The following TBC1D1 variants were observed in gnomAD, a reference collection of about 807,000 sequenced individuals.
TBC1D1 encodes TBC1 domain family member 1.
Under a neutral mutation model 125.6 loss-of-function variants are expected in TBC1D1, and 89 were observed. The observed-to-expected ratio is 0.71, with a 90% CI of 0.60 to 0.85. The LOEUF is 0.85. TBC1D1 is among the 40% of genes least tolerant of loss of function. TBC1D1 has a pLI of 0.00. For synonymous variants in TBC1D1, 565 were observed against 564.1 expected, an observed-to-expected ratio of 1.00 and a Z score of -0.02; for missense variants, 1,377 against 1,469.2, an observed-to-expected ratio of 0.94 and a Z score of 1.03.
intron 2 of TBC1D1, chr4:37,960,652 A>G: frequency 6.2e-7 from 1 of 1,614,202 alleles, no homozygotes; most frequent in Non-Finnish European, 8.5e-7. Flanking sequence ...GCTACAGAAA[A>G]GTCAGTAAAG....
intron 2 of TBC1D1, among the ~76,000 whole-genome samples, chr4:37,971,084 A>C (rs116598507): frequency 0.023 from 3,570 of 152,116 alleles, 145 homozygotes; most frequent in African/African-American, 0.081. Flanking sequence ...TTTGGTGGGG[A>C]TATGGTCAGG....
At chr4:38,011,209 C>T (rs1165292373) in intron 2 of TBC1D1, among the ~76,000 whole-genome samples, 5 of 151,766 alleles carry the variant, frequency 3.3e-5, no homozygotes, top group Admixed American at 2.0e-4. Context: ...CAAAATTAGC[C>T]GGGTGTGGTG....
chr4:38,109,314 G>A (rs557170494), intron 15 of TBC1D1, among the ~76,000 whole-genome samples: 4 of 152,216 alleles, frequency 2.6e-5, no homozygotes, highest in African/African-American at 9.6e-5. Flanking sequence ...ATCACATCGT[G>A]GGATCATATT....
At chr4:38,021,492 TTAAAAAATCTTTTCCAAAGATTTTCTG>T (rs1217094111) in intron 5 of TBC1D1, 67 bp from the exon 6 acceptor site, 2 of 1,219,684 alleles carry the variant, frequency 1.6e-6, no homozygotes, top group Non-Finnish European at 2.2e-6. Flanking sequence ...CTCTTAAAGC[TTAAAAAATCTTTTCCAAAGATTTTCTG>T]ACATCTCAGC....
intron 1 of TBC1D1, among the ~76,000 whole-genome samples, chr4:37,892,669 G>C (rs768525283): frequency 1.3e-5 from 2 of 152,152 alleles, no homozygotes; most frequent in Admixed American, 6.6e-5. Context: ...TTGCAAATGC[G>C]TCTCCTTGTC....
At chr4:38,073,089 G>A (rs1754982072) in intron 12 of TBC1D1, among the ~76,000 whole-genome samples, 1 of 152,190 alleles carries the variant, frequency 6.6e-6, no homozygotes. Context: ...GAACATGGGT[G>A]TGCAAATGTC....
intron 2 of TBC1D1, among the ~76,000 whole-genome samples, chr4:37,930,218 CAT>C (rs1160598795): frequency 6.6e-6 from 1 of 152,180 alleles, no homozygotes; most frequent in Non-Finnish European, 1.5e-5. Context: ...ATTCTAAAAA[CAT>C]AATGCTGATC....
At chr4:37,924,320 TTAA>T (rs759487876) in intron 2 of TBC1D1, among the ~76,000 whole-genome samples, 1 of 152,260 alleles carries the variant, frequency 6.6e-6, no homozygotes, top group Non-Finnish European at 1.5e-5. Context: ...TTTTCTGTTA[TTAA>T]TAATGACAGA....
Position 37,977,576 on chromosome 4 carries a change from C to G in TBC1D1, c.418-36933C>G, listed in dbSNP as rs558800172. The G allele has an allele frequency of 1.8e-5, 11 of 614,870 alleles. No individual in the cohort carries two copies. The highest frequency in any genetic ancestry group is 1.0e-5 in the Non-Finnish European group (5 of 480,530). The allele number at this position is 614,870 out of a possible 1,614,324, so 38.1% of individuals were successfully genotyped here. ...CCCGTTACCGGAGCGGAGCGGCAGG[C>G]GCGGGGCTGGAACATTTGTAACCTT... is the stretch of plus-strand genomic sequence containing the variant. On this transcript the variant is annotated intron_variant, in intron 2 of 19. Coordinates refer to ENST00000261439, the MANE Select transcript of TBC1D1 (RefSeq NM_015173.4). This position sits in a 1 kb window ranked among gnomAD's most constrained non-coding sequence, Gnocchi z 4.3.
intron 12 of TBC1D1, among the ~76,000 whole-genome samples, chr4:38,056,811 G>GA (rs1751792866): frequency 6.6e-6 from 1 of 151,826 alleles, no homozygotes; most frequent in African/African-American, 2.4e-5. Context: ...TTGTCTCGCG[G>GA]GGTGGGGGAG....
intron 2 of TBC1D1, among the ~76,000 whole-genome samples, chr4:37,930,828 A>G (rs1723113666): frequency 6.6e-6 from 1 of 152,352 alleles, no homozygotes; most frequent in East Asian, 1.9e-4. Flanking sequence ...TATTAAGATA[A>G]CACATACTTA....
chr4:37,928,736 C>T (rs757272997), intron 2 of TBC1D1, among the ~76,000 whole-genome samples: 2 of 152,156 alleles, frequency 1.3e-5, no homozygotes, highest in African/African-American at 4.8e-5. Context: ...CAGTGGGTGG[C>T]CAGAAATTTA....
chr4:38,004,595 G>T (rs1739720714), intron 2 of TBC1D1, among the ~76,000 whole-genome samples: 1 of 152,124 alleles, frequency 6.6e-6, no homozygotes, highest in African/African-American at 2.4e-5. Context: ...GGAATGAGAT[G>T]GTTCTAATAT....
rs1399982452 is a variant in TBC1D1 at position 37,902,508 on chromosome 4, C to G, written c.413C>G (p.Thr138Arg). The G allele has an allele frequency of 6.3e-7, 1 of 1,590,862 alleles. No homozygotes were observed. The highest frequency in any genetic ancestry group is 8.6e-7 in the Non-Finnish European group (1 of 1,166,780). Residue 138 changes from threonine to arginine, a missense_variant, in exon 2 of 20, where the codon ACA (threonine) becomes AGA (arginine). By Grantham distance (71) the Thr-to-Arg change is moderately conservative. Transcript: ENST00000261439. ...TATGTGTTCAAAGCCGATGATCAAA[C>G]AAAAGTAAGTGAGATGGAGATCCAA...
rs1733404222 is a variant in TBC1D1 at position 37,977,485 on chromosome 4, G to A, written c.418-37024G>A. 2 of 988,896 alleles carry A rather than the reference G, an allele frequency of 2.0e-6. No individual in the cohort carries two copies. The highest frequency in any genetic ancestry group is 9.1e-5 in the South Asian group (2 of 21,900). The allele number at this position is 988,896 out of a possible 1,614,324, so 61.3% of individuals were successfully genotyped here. A position where few individuals can be genotyped will look rare whatever the true frequency, so the allele number is the denominator to read the frequency against. ...AGCGGGAGCCGGCGGGCGAAGAGCCGCCGCCCGGCCCGCGATGTCACCATT... is the reference window on the plus strand; with the variant it reads ...AGCGGGAGCCGGCGGGCGAAGAGCCACCGCCCGGCCCGCGATGTCACCATT... On this transcript the variant is annotated intron_variant, in intron 2 of 19. Coordinates refer to ENST00000261439, the MANE Select transcript of TBC1D1 (RefSeq NM_015173.4). The surrounding 1 kb of genome is among the most constrained non-coding windows in gnomAD (Gnocchi z 4.3).
intron 12 of TBC1D1, among the ~76,000 whole-genome samples, chr4:38,088,971 A>G (rs1216141791): frequency 1.3e-5 from 2 of 152,248 alleles, no homozygotes; most frequent in African/African-American, 4.8e-5. Context: ...GTACACAGTA[A>G]CATCCTCCTA....
chr4:38,117,969 T>C, intron 16 of TBC1D1, 64 bp from the exon 19 acceptor site: 1 of 1,468,910 alleles, frequency 6.8e-7, no homozygotes, highest in East Asian at 2.3e-5. Context: ...CTGTGAGCAG[T>C]AGGCATAACT....
rs1225106845 is a variant in TBC1D1, at chr4:37,891,149, G to C, written c.-293G>C. 1 of 156,192 alleles carries C rather than the reference G, an allele frequency of 6.4e-6. No individual in the cohort carries two copies. The highest frequency in any genetic ancestry group is 2.4e-5 in the African/African-American group (1 of 41,392). 9.7% of individuals were successfully genotyped at this position (156,192 alleles called of 1,614,324 possible). ...CGGTGCCTGTTGCTGCCGCCGCCGC[G>C]GGACCTGCTGTGTCCTCAGCTGGGT... On this transcript the variant is annotated 5_prime_UTR_variant, in exon 1 of 20. Transcript: ENST00000261439.
chr4:37,897,358 G>A (rs1015209116), intron 1 of TBC1D1, among the ~76,000 whole-genome samples: 1 of 152,104 alleles, frequency 6.6e-6, no homozygotes, highest in Non-Finnish European at 1.5e-5. Context: ...CCTGATCTAA[G>A]TTACCCTGAA....
Sources: allele counts gnomAD v4.1 joint callset (sites outside exome capture counted in the v4.1 genomes callset), GRCh38; gene constraint gnomAD v4.1.1; non-coding constraint Gnocchi (gnomAD v3.1); transcripts MANE v1.5; gene names NCBI Gene and HGNC (gene_info 2026-07-23, HGNC 2026-07-21).